Variants in H2BC18 observed in about 807,000 individuals in gnomAD.
The protein encoded by H2BC18 is histone H2B type 2-F.
A neutral mutation model predicts 6.3 loss-of-function variants in H2BC18; 8 were observed. That is an observed-to-expected ratio of 1.28 (90% CI 0.75 to 2.31). The LOEUF (loss-of-function observed/expected upper bound fraction) is 2.31, where lower values mean the gene tolerates loss of function less well. Among genes scored for constraint, H2BC18 ranks in the 30% most tolerant of loss-of-function variants. The pLI is 0.00. For missense variants in H2BC18, 106 were observed against 174.5 expected (o/e 0.61, Z 2.21); for synonymous variants, 104 against 78.1 (o/e 1.33, Z -1.75).
Position 149,793,684 on chromosome 1 carries a change from A to C in H2BC18, c.378-10424T>G, listed in dbSNP as rs1280449792. Among the ~76,000 whole-genome samples the C allele has an allele frequency of 4.3e-4, 65 of 151,742 alleles. 1 individual carries two copies. The highest frequency in any genetic ancestry group is 1.5e-3 in the African/African-American group (60 of 41,146). On this transcript the variant is annotated intron_variant, in intron 1 of 1. Coordinates refer to the H2BC18 transcript ENST00000545683. ...ACAGCTCCCCAGAGTGGACAAGTGGAGCAGAACCGGCATTAGGTTGGGAGG... is the reference window on the plus strand; with the variant it reads ...ACAGCTCCCCAGAGTGGACAAGTGGCGCAGAACCGGCATTAGGTTGGGAGG...
At position 149,788,204 on chromosome 1, in the gene H2BC18, C is replaced by T. The variant is rs1354434894; in HGVS notation, c.378-4944G>A. ...CAGTAAAGATTGCTTTTCTTTCCAC[C>T]AAAGCTAAAGATATTTGAGGAACTG... On this transcript the variant is annotated intron_variant, in intron 1 of 1. Coordinates refer to the H2BC18 transcript ENST00000545683. 3 of 1,482,652 alleles carry T rather than the reference C, an allele frequency of 2.0e-6. No individual in the cohort carries two copies. In the African/African-American group the frequency reaches 4.3e-5, roughly 21 times the overall value. The allele number at this position is 1,482,652 out of a possible 1,614,324, so 91.8% of individuals were successfully genotyped here. A position where few individuals can be genotyped will look rare whatever the true frequency, so the allele number is the denominator to read the frequency against.
intron 1 of H2BC18, among the ~76,000 whole-genome samples, chr1:149,801,206 A>G (rs1553753300): frequency 1.3e-5 from 2 of 152,122 alleles, no homozygotes; most frequent in East Asian, 2.0e-4. Context: ...TCCTGGTTCC[A>G]AAACATGTGG....
chr1:149,803,495 C>T (rs2091891726), intron 1 of H2BC18: 1 of 152,056 alleles, frequency 6.6e-6, no homozygotes, highest in Admixed American at 6.6e-5. Flanking sequence ...CTTCTGAGTG[C>T]CTAGTGCTGC....
chr1:149,785,460 A>G (rs1451550121), intron 1 of H2BC18, among the ~76,000 whole-genome samples: 2 of 115,872 alleles, frequency 1.7e-5, no homozygotes, highest in Non-Finnish European at 3.3e-5. Flanking sequence ...TCCGTTGCCC[A>G]GGCTGGAATG....
chr1:149,806,512 C>G (rs1369227743), intron 1 of H2BC18, among the ~76,000 whole-genome samples: 2 of 151,914 alleles, frequency 1.3e-5, no homozygotes, highest in Admixed American at 6.6e-5. Flanking sequence ...CGCTTGAACC[C>G]AGGAGGTGGA....
chr1:149,811,012 A>T (rs1257194734), downstream of H2BC18: 1 of 152,230 alleles, frequency 6.6e-6, no homozygotes, highest in Non-Finnish European at 1.5e-5. Context: ...GTGGAGAAGG[A>T]CCTGTAAACA....
rs669006 is a variant in H2BC18 at position 149,801,967 on chromosome 1, C to T, written c.377+9980G>A. Among the ~76,000 whole-genome samples, 1,265 of 139,568 alleles carry T rather than the reference C, an allele frequency of 9.1e-3. 2 individuals are homozygous for T. Among genetic ancestry groups the T allele is most frequent in the African/African-American group, 0.025 (906 of 35,938 alleles). The allele number at this position is 139,568 out of a possible 152,430, so 91.6% of individuals were successfully genotyped here. A position where few individuals can be genotyped will look rare whatever the true frequency, so the allele number is the denominator to read the frequency against. Reference sequence around the variant, plus strand: ...AAACACATCTCCACAATCATAAACACCATGAAATAAACTTCTCTTAGACAA... The same window carrying T: ...AAACACATCTCCACAATCATAAACATCATGAAATAAACTTCTCTTAGACAA... On this transcript the variant is annotated intron_variant, in intron 1 of 1. Transcript: ENST00000545683.
At chr1:149,788,703 C>G in intron 1 of H2BC18, 1 of 1,510,428 alleles carries the variant, frequency 6.6e-7, no homozygotes, top group Non-Finnish European at 9.1e-7. Flanking sequence ...CTTTAATTTA[C>G]AAGTGAAGAA....
rs368482934 is a variant in H2BC18, at chr1:149,804,591, C to T, written c.377+7356G>A. ...GGAAGTACAATGGTGCTCTTGCTAG[C>T]GCCTTCCTAACCATAACAATAATAA... is the stretch of plus-strand genomic sequence containing the variant. On this transcript the variant is annotated intron_variant, in intron 1 of 1. Coordinates refer to the H2BC18 transcript ENST00000545683. 7.9e-5 allele frequency among the ~76,000 whole-genome samples: 12 copies of T among 151,974 alleles called. No homozygotes were observed. In the South Asian group the frequency reaches 2.3e-3, roughly 29 times the overall value.
At chr1:149,803,167 G>A (rs587709556) in intron 1 of H2BC18, among the ~76,000 whole-genome samples, 1 of 152,148 alleles carries the variant, frequency 6.6e-6, no homozygotes, top group African/African-American at 2.4e-5. Context: ...TGCTGTGTCT[G>A]AAGTCTTAGA....
chr1:149,785,135 A>G (rs2091506898), intron 1 of H2BC18, among the ~76,000 whole-genome samples: 1 of 152,214 alleles, frequency 6.6e-6, no homozygotes, highest in Non-Finnish European at 1.5e-5. Flanking sequence ...AAAATGCTTC[A>G]TTCAATATGC....
rs781834840 is a variant in H2BC18 at position 149,788,591 on chromosome 1, C to T, written c.378-5331G>A. On this transcript the variant is annotated intron_variant, in intron 1 of 1. Transcript: ENST00000545683. The stretch of plus-strand genomic sequence containing the variant: ...GGCATGGGAAAGCATCGCTACACAT[C>T]AGCAGGAATATCTGTCACTGTGAAA... The T allele has an allele frequency of 1.6e-5, 26 of 1,613,880 alleles. No homozygotes were observed. In the South Asian group the frequency reaches 2.6e-4, roughly 16 times the overall value.
downstream of H2BC18, chr1:149,810,383 T>C (rs2091961249): frequency 6.6e-6 from 1 of 151,290 alleles, no homozygotes; most frequent in African/African-American, 2.4e-5. Flanking sequence ...CTTTATTTTC[T>C]AGTGGAAAAA....
At position 149,791,332 on chromosome 1, in the gene H2BC18, C is replaced by G. The variant is rs145342974; in HGVS notation, c.378-8072G>C. On this transcript the variant is annotated intron_variant, in intron 1 of 1. Transcript: ENST00000545683. ...GAACACTGTTCTCTGGGTGACAATA[C>G]GTAAAGAACTGAAAAGAAAGAAAAA... 15 of 1,590,128 alleles carry G rather than the reference C, an allele frequency of 9.4e-6. 1 individual carries two copies. The African/African-American group carries it at 1.3e-4, about 14-fold the overall frequency.
chr1:149,792,472 G>A, intron 1 of H2BC18: 2 of 1,048,352 alleles, frequency 1.9e-6, no homozygotes, highest in South Asian at 3.4e-5. Context: ...CTATGTAAAT[G>A]ACTCTACTAA....
chr1:149,797,612 T>G (rs2091814446), intron 1 of H2BC18, among the ~76,000 whole-genome samples: 1 of 152,154 alleles, frequency 6.6e-6, no homozygotes, highest in African/African-American at 2.4e-5. Flanking sequence ...AGCGTTTGAG[T>G]TAAAAACTTA....
At position 149,812,352 on chromosome 1, in the gene H2BC18, T is replaced by A; in HGVS notation, c.-29A>T. On this transcript the variant is annotated 5_prime_UTR_variant, in exon 1 of 1. Transcript: ENST00000369167. ...TGCGCGAAAAAAGAGAAAAGAGACTTAAAGAAGTAATCCGAACTACCGCAA... is the reference window on the plus strand; with the variant it reads ...TGCGCGAAAAAAGAGAAAAGAGACTAAAAGAAGTAATCCGAACTACCGCAA... 1.2e-6 allele frequency: 2 copies of A among 1,613,962 alleles called. No homozygotes were observed.
intron 1 of H2BC18, among the ~76,000 whole-genome samples, chr1:149,805,981 C>T (rs1275987963): frequency 6.6e-6 from 1 of 152,024 alleles, no homozygotes; most frequent in African/African-American, 2.4e-5. Context: ...AAAGTAGTTG[C>T]CCCAATTCCT....
downstream of H2BC18, among the ~76,000 whole-genome samples, chr1:149,808,980 A>C (rs371281466): frequency 0.052 from 7,639 of 147,366 alleles, 248 homozygotes; most frequent in Non-Finnish European, 0.078. Flanking sequence ...CCAGTTTTAA[A>C]ATACATTATT....
Sources: gnomAD v4.1 joint callset for allele counts (sites outside exome capture counted in the v4.1 genomes callset) on GRCh38, gnomAD v4.1.1 for gene constraint, MANE v1.5 for transcripts, NCBI Gene and HGNC (gene_info 2026-07-23, HGNC 2026-07-21) for gene names.